CNTN6: variants seen among roughly 807,000 people sequenced by gnomAD.
The protein encoded by CNTN6 is contactin 6, also known as contactin-6.
Under a neutral mutation model 122.8 loss-of-function variants are expected in CNTN6, and 137 were observed. The observed-to-expected ratio is 1.12, with a 90% CI of 0.97 to 1.29. The LOEUF (loss-of-function observed/expected upper bound fraction) is 1.29. CNTN6 is among the 50% of genes most tolerant of loss of function. The pLI, the probability that CNTN6 is intolerant of heterozygous loss-of-function variation, is 0.00. For synonymous variants in CNTN6, 570 were observed against 426.0 expected (o/e 1.34, Z -4.16); for missense variants, 1,634 against 1,223.4 (o/e 1.34, Z -5.01).
chr3:1,274,329 A>C (rs949806376), intron 4 of CNTN6, among the ~76,000 whole-genome samples: 2 of 152,174 alleles, frequency 1.3e-5, no homozygotes, highest in African/African-American at 4.8e-5. Flanking sequence ...CCAAAGAAGA[A>C]AGGAAGCATA....
chr3:1,284,858 G>T (rs140848346), intron 5 of CNTN6, among the ~76,000 whole-genome samples: 3 of 152,182 alleles, frequency 2.0e-5, no homozygotes, highest in Non-Finnish European at 4.4e-5. Flanking sequence ...GGGAAACCAC[G>T]TCTAGCATGT....
chr3:1,114,849 C>T (rs914358877), intron 1 of CNTN6, among the ~76,000 whole-genome samples: 8 of 152,128 alleles, frequency 5.3e-5, no homozygotes, highest in Non-Finnish European at 1.0e-4. Context: ...CACTAAAGTG[C>T]TTTCAAAGGA....
intron 2 of CNTN6, among the ~76,000 whole-genome samples, chr3:1,190,516 G>A (rs1041909746): frequency 6.6e-6 from 1 of 152,178 alleles, no homozygotes; most frequent in Non-Finnish European, 1.5e-5. Context: ...ACATGGTTGA[G>A]TTGTTTGACA....
rs368055236 is a variant in CNTN6 at position 1,383,300 on chromosome 3, A to C, written c.2409A>C (p.Gln803His). 6.8e-6 allele frequency: 11 copies of C among 1,613,810 alleles called. No homozygotes were observed. In the African/African-American group the frequency reaches 1.5e-4, roughly 22 times the overall value. Residue 803 changes from glutamine to histidine, a missense_variant, in exon 19 of 23, where the codon CAA (glutamine) becomes CAC (histidine). Gln to His is a conservative substitution (Grantham distance 24). Coordinates refer to ENST00000446702, the MANE Select transcript of CNTN6 (RefSeq NM_001289080.2). The stretch of plus-strand genomic sequence containing the variant: ...TCTTTCTCTGGATGGTAGAACCTCA[A>C]CTGGCCCCAAGGGGAACTTCTCTCC... ...TIVYSGEDEPQLAPRGTSLQS... is the reference protein window; with the variant it reads ...TIVYSGEDEPHLAPRGTSLQS...
chr3:1,332,802 T>C (rs1316465820), intron 11 of CNTN6, among the ~76,000 whole-genome samples: 1 of 152,044 alleles, frequency 6.6e-6, no homozygotes, highest in East Asian at 1.9e-4. Context: ...CAAGGTTGAT[T>C]ATTTCTTCTA....
At chr3:1,118,138 GGTT>G (rs1559345636) in intron 1 of CNTN6, among the ~76,000 whole-genome samples, 1 of 152,120 alleles carries the variant, frequency 6.6e-6, no homozygotes. Context: ...CTGCTGCGGT[GGTT>G]GTTAAATGCC....
chr3:1,399,909 G>C (rs1695467227), intron 20 of CNTN6, among the ~76,000 whole-genome samples: 1 of 152,106 alleles, frequency 6.6e-6, no homozygotes, highest in South Asian at 2.1e-4. Flanking sequence ...CCTCATGTAA[G>C]CATACAGGGA....
At chr3:1,350,276 T>G (rs757704479) in intron 11 of CNTN6, among the ~76,000 whole-genome samples, 1 of 151,752 alleles carries the variant, frequency 6.6e-6, no homozygotes, top group Admixed American at 6.6e-5. Flanking sequence ...GGAATATCTT[T>G]AGGGCATCTA....
chr3:1,194,452 A>G (rs1559490099), intron 2 of CNTN6, among the ~76,000 whole-genome samples: 1 of 152,136 alleles, frequency 6.6e-6, no homozygotes, highest in Non-Finnish European at 1.5e-5. Context: ...GAAAACATTT[A>G]CATATAAATC....
chr3:1,147,141 G>T (rs1358465559), intron 1 of CNTN6, among the ~76,000 whole-genome samples: 3 of 151,814 alleles, frequency 2.0e-5, no homozygotes, highest in African/African-American at 7.3e-5. Context: ...AAATATTTAA[G>T]GTTGCAAGAA....
At chr3:1,357,743 C>A (rs900795684) in intron 12 of CNTN6, among the ~76,000 whole-genome samples, 1 of 151,692 alleles carries the variant, frequency 6.6e-6, no homozygotes, top group South Asian at 2.1e-4. Flanking sequence ...AATACCGCAG[C>A]CTTCATTCAT....
chr3:1,097,653 T>C (rs1415450915), intron 1 of CNTN6, among the ~76,000 whole-genome samples: 1 of 152,136 alleles, frequency 6.6e-6, no homozygotes, highest in African/African-American at 2.4e-5. Context: ...TCTTTGTACT[T>C]CAGTTTCCCC....
At chr3:1,315,406 A>C (rs924011653) in intron 7 of CNTN6, among the ~76,000 whole-genome samples, 6 of 151,936 alleles carry the variant, frequency 3.9e-5, no homozygotes, top group African/African-American at 9.7e-5. Context: ...AGATCACAAT[A>C]AATTAGCGTG....
intron 2 of CNTN6, among the ~76,000 whole-genome samples, chr3:1,195,805 G>A (rs897397208): frequency 6.6e-6 from 1 of 152,030 alleles, no homozygotes; most frequent in Non-Finnish European, 1.5e-5. Context: ...CTCACCTTTA[G>A]TATAATCTTA....
intron 1 of CNTN6, among the ~76,000 whole-genome samples, chr3:1,123,379 T>C (rs759046834): frequency 2.6e-5 from 4 of 151,902 alleles, no homozygotes; most frequent in African/African-American, 4.8e-5. Context: ...GTTACATTTA[T>C]TCATGGGTAT....
At position 1,402,303 on chromosome 3, in the gene CNTN6, C is replaced by G. The variant is rs760554477; in HGVS notation, c.2818-15C>G. 2.1e-5 allele frequency: 34 copies of G among 1,596,066 alleles called. 3 individuals are homozygous for G. In the South Asian group the frequency reaches 3.1e-4, roughly 15 times the overall value. On this transcript the variant is annotated splice_polypyrimidine_tract_variant and intron_variant, in intron 21 of 22. Transcript: ENST00000446702. The stretch of plus-strand genomic sequence containing the variant: ...GCAACATGTCCATGTTAACTTGATA[C>G]CTCATTTTATTCAGATTCTGTACCG...
chr3:1,160,877 G>C (rs1264930271), intron 2 of CNTN6, among the ~76,000 whole-genome samples: 1 of 151,878 alleles, frequency 6.6e-6, no homozygotes. Flanking sequence ...TTTAAACACA[G>C]CTATTATTAA....
rs760138654 is a variant in CNTN6, at chr3:1,402,282, C to A, written c.2818-36C>A. The A allele has an allele frequency of 5.5e-5, 86 of 1,560,546 alleles. 1 individual carries two copies. The highest frequency in any genetic ancestry group is 7.4e-5 in the Non-Finnish European group (85 of 1,143,570). On this transcript the variant is annotated intron_variant, in intron 21 of 22. Coordinates refer to ENST00000446702, the MANE Select transcript of CNTN6 (RefSeq NM_001289080.2). ...AGTTGTGTGAACCTTAGAAAAGCAACATGTCCATGTTAACTTGATACCTCA... is the reference window on the plus strand; with the variant it reads ...AGTTGTGTGAACCTTAGAAAAGCAAAATGTCCATGTTAACTTGATACCTCA...
intron 7 of CNTN6, among the ~76,000 whole-genome samples, chr3:1,320,899 T>C (rs1700749962): frequency 6.6e-6 from 1 of 151,678 alleles, no homozygotes; most frequent in Non-Finnish European, 1.5e-5. Context: ...CTAAAAATAA[T>C]AGATATGAGA....
Sources: gnomAD v4.1 joint callset for allele counts (sites outside exome capture counted in the v4.1 genomes callset) on GRCh38, gnomAD v4.1.1 for gene constraint, MANE v1.5 for transcripts, NCBI Gene and HGNC (gene_info 2026-07-23, HGNC 2026-07-21) for gene names.